Variants in TSPAN2 observed in about 807,000 individuals in gnomAD.
The protein encoded by TSPAN2 is tetraspanin-2.
A neutral mutation model predicts 33.3 loss-of-function variants in TSPAN2; 24 were observed. That is an observed-to-expected ratio of 0.72 (90% CI 0.52 to 1.01). The LOEUF (loss-of-function observed/expected upper bound fraction) is 1.01, where lower values mean the gene tolerates loss of function less well. TSPAN2 is among the 50% of genes least tolerant of loss of function. TSPAN2 has a pLI of 0.00. For synonymous variants in TSPAN2, 114 were observed against 104.5 expected, an observed-to-expected ratio of 1.09 and a Z score of -0.56; for missense variants, 278 against 281.3, an observed-to-expected ratio of 0.99 and a Z score of 0.08.
At position 115,052,638 on chromosome 1, in the gene TSPAN2, A is replaced by G. The variant is rs895694997; in HGVS notation, c.600+741T>C. On this transcript the variant is annotated intron_variant, in intron 7 of 7. Transcript: ENST00000369516. The stretch of plus-strand genomic sequence containing the variant: ...CTGCCATACCTGTCCGCTGCTATCC[A>G]TTCTTCCCACACACTCTTCTTTTGT... Among the ~76,000 whole-genome samples, 44 of 152,180 alleles carry G rather than the reference A, an allele frequency of 2.9e-4. 1 individual carries two copies. Among genetic ancestry groups the G allele is most frequent in the Admixed American group, 2.6e-3 (40 of 15,292 alleles).
At chr1:115,067,770 A>T (rs717276) in intron 2 of TSPAN2, among the ~76,000 whole-genome samples, 39,641 of 151,984 alleles carry the variant, frequency 0.26, 5,541 homozygotes, top group African/African-American at 0.3. Context: ...CTTCTTGGAG[A>T]AAACCTGTTA....
At chr1:115,065,097 C>G (rs1328514075) in intron 2 of TSPAN2, among the ~76,000 whole-genome samples, 3 of 152,198 alleles carry the variant, frequency 2.0e-5, no homozygotes, top group Non-Finnish European at 4.4e-5. Flanking sequence ...TCTCAGCCAG[C>G]CTCTGTTTTG....
Position 115,049,968 on chromosome 1 carries a change from G to A in TSPAN2, c.*522C>T, listed in dbSNP as rs114983703. On this transcript the variant is annotated 3_prime_UTR_variant, in exon 8 of 8. Coordinates refer to ENST00000369516, the MANE Select transcript of TSPAN2 (RefSeq NM_005725.6). Reference sequence around the variant, plus strand: ...AGAGCATGTATATAAAAAAACCCAGGAAACCCTTACACCCAACTTAGACAC... The same window carrying A: ...AGAGCATGTATATAAAAAAACCCAGAAAACCCTTACACCCAACTTAGACAC... 632 of 155,972 alleles carry A rather than the reference G, an allele frequency of 4.1e-3. 6 individuals are homozygous for A. Among genetic ancestry groups the A allele is most frequent in the African/African-American group, 0.014 (580 of 41,314 alleles). 9.7% of individuals were successfully genotyped at this position (155,972 alleles called of 1,614,324 possible).
intron 2 of TSPAN2, among the ~76,000 whole-genome samples, chr1:115,070,896 T>C (rs1648144176): frequency 6.6e-6 from 1 of 152,182 alleles, no homozygotes; most frequent in South Asian, 2.1e-4. Flanking sequence ...ACAGAATTCT[T>C]ATACATTTTT....
rs886913909 is a variant in TSPAN2, at chr1:115,062,380, G to A, written c.173-148C>T. The A allele has an allele frequency of 7.9e-6, 5 of 631,640 alleles. No individual in the cohort carries two copies. The African/African-American group carries it at 9.3e-5, about 12-fold the overall frequency. The allele number at this position is 631,640 out of a possible 1,614,324, so 39.1% of individuals were successfully genotyped here. A position where few individuals can be genotyped will look rare whatever the true frequency, so the allele number is the denominator to read the frequency against. On this transcript the variant is annotated intron_variant, in intron 2 of 7. Coordinates refer to ENST00000369516, the MANE Select transcript of TSPAN2 (RefSeq NM_005725.6). ...CTGCCATGTTTGACACGGAGGAACT[G>A]GGCCCCAAAAGGTAAAGCGATTTGC...
At chr1:115,057,641 G>A (rs768492459) in intron 5 of TSPAN2, 33 bp from the exon 6 acceptor site, 11 of 1,608,064 alleles carry the variant, frequency 6.8e-6, no homozygotes, top group South Asian at 1.1e-5. Flanking sequence ...TCAGGACCAG[G>A]CGGGAGGAGT....
At chr1:115,054,228 G>A (rs1647301732) in intron 6 of TSPAN2, among the ~76,000 whole-genome samples, 1 of 152,212 alleles carries the variant, frequency 6.6e-6, no homozygotes, top group Non-Finnish European at 1.5e-5. Flanking sequence ...CCCTCAGGTT[G>A]TTCAGATCTG....
intron 2 of TSPAN2, among the ~76,000 whole-genome samples, chr1:115,062,587 G>A (rs1328906127): frequency 3.9e-5 from 6 of 152,218 alleles, no homozygotes; most frequent in Non-Finnish European, 8.8e-5. Context: ...GAAAGAAAAG[G>A]ACAGAAATGC....
intron 1 of TSPAN2, among the ~76,000 whole-genome samples, chr1:115,089,006 G>T (rs1340084343): frequency 3.5e-5 from 2 of 57,306 alleles, no homozygotes; most frequent in African/African-American, 1.6e-4. Context: ...GTGCACGGGA[G>T]ACTGGAGGGG....
chr1:115,089,213 T>G (rs2101054015), intron 1 of TSPAN2, 151 bp downstream of exon 1: 1 of 541,520 alleles, frequency 1.8e-6, no homozygotes, highest in South Asian at 2.6e-5. Flanking sequence ...CCCCTCCCTC[T>G]TTGTTTGCCT....
chr1:115,056,571 T>C (rs1455009395), intron 6 of TSPAN2, among the ~76,000 whole-genome samples: 1 of 152,168 alleles, frequency 6.6e-6, no homozygotes. Flanking sequence ...GCTTGCATAA[T>C]TACTTTCCAT....
At chr1:115,063,941 C>T (rs1647836608) in intron 2 of TSPAN2, among the ~76,000 whole-genome samples, 1 of 152,050 alleles carries the variant, frequency 6.6e-6, no homozygotes, top group Non-Finnish European at 1.5e-5. Flanking sequence ...CTATTGGATA[C>T]TATATTCATT....
At chr1:115,051,350 T>C (rs572525263) in intron 7 of TSPAN2, among the ~76,000 whole-genome samples, 21 of 152,178 alleles carry the variant, frequency 1.4e-4, no homozygotes, top group Non-Finnish European at 2.5e-4. Context: ...CAGTCCATTT[T>C]TAAGGGCAAA....
In TSPAN2 at chr1:115,053,380, G is replaced by T; in HGVS notation, c.599C>A (p.Thr200Lys). ...GGGTAAGTTCTAGAACTTTCTCACC[G>T]TCAGACCTGCAATTCCAATACCGAC... ...GIVGIGIAGLTIFGMIFSMVL... is the reference protein window; with the variant it reads ...GIVGIGIAGLKIFGMIFSMVL... The change falls in exon 7 of 8, where the codon ACG (threonine) becomes AAG (lysine). Residue 200 changes from threonine (T) to lysine (K), a missense_variant and splice_region_variant. Transcript: ENST00000369516. The T allele has an allele frequency of 6.2e-7, 1 of 1,613,658 alleles. No individual in the cohort carries two copies. Among genetic ancestry groups the T allele is most frequent in the Non-Finnish European group, 8.5e-7 (1 of 1,179,680 alleles).
chr1:115,055,292 A>T (rs1431455612), intron 6 of TSPAN2, among the ~76,000 whole-genome samples: 1 of 151,796 alleles, frequency 6.6e-6, no homozygotes, highest in African/African-American at 2.4e-5. Flanking sequence ...TAGTCACAAA[A>T]GGAATACATG....
chr1:115,057,143 T>C (rs1303622231), intron 6 of TSPAN2, among the ~76,000 whole-genome samples: 1 of 152,226 alleles, frequency 6.6e-6, no homozygotes, highest in Non-Finnish European at 1.5e-5. Flanking sequence ...TGCCACTGGC[T>C]CCTCAAAATC....
chr1:115,056,529 C>T (rs1017740904), intron 6 of TSPAN2, among the ~76,000 whole-genome samples: 6 of 152,324 alleles, frequency 3.9e-5, no homozygotes, highest in Non-Finnish European at 5.9e-5. Flanking sequence ...TCTCTCGGCA[C>T]GCAGGCCTCC....
At chr1:115,065,399 C>G (rs1171990070) in intron 2 of TSPAN2, among the ~76,000 whole-genome samples, 1 of 152,192 alleles carries the variant, frequency 6.6e-6, no homozygotes, top group East Asian at 1.9e-4. Context: ...CCCACAGGAG[C>G]AGGTGTGACA....
At chr1:115,077,421 G>T (rs1648459467) in intron 1 of TSPAN2, among the ~76,000 whole-genome samples, 1 of 152,152 alleles carries the variant, frequency 6.6e-6, no homozygotes, top group African/African-American at 2.4e-5. Context: ...ATCACATATG[G>T]TTATAGTACG....
Sources: gnomAD v4.1 joint callset for allele counts (sites outside exome capture counted in the v4.1 genomes callset) on GRCh38, gnomAD v4.1.1 for gene constraint, MANE v1.5 for transcripts, NCBI Gene and HGNC (gene_info 2026-07-23, HGNC 2026-07-21) for gene names.